DLG2: variants seen among roughly 807,000 people sequenced by gnomAD.
The protein encoded by DLG2 is disks large homolog 2.
Under a neutral mutation model 132.5 loss-of-function variants are expected in DLG2, and 45 were observed. The observed-to-expected ratio is 0.34, with a 90% CI of 0.27 to 0.44. The LOEUF is 0.44. DLG2 is among the 20% of genes least tolerant of loss of function. The pLI, the probability that DLG2 is intolerant of heterozygous loss-of-function variation, is 1.00. For missense variants in DLG2, 1,045 were observed against 1,196.9 expected (o/e 0.87, Z 1.87); for synonymous variants, 424 against 419.6 (o/e 1.01, Z -0.13).
intron 21 of DLG2, among the ~76,000 whole-genome samples, chr11:83,504,133 A>C (rs892419932): frequency 3.9e-5 from 6 of 152,234 alleles, no homozygotes; most frequent in Non-Finnish European, 5.9e-5. Flanking sequence ...TTTTAACAAA[A>C]GAAGGAGGAA....
chr11:84,355,356 A>G (rs1311477572), intron 7 of DLG2, among the ~76,000 whole-genome samples: 2 of 152,088 alleles, frequency 1.3e-5, no homozygotes, highest in East Asian at 1.9e-4. Context: ...AGATGATGAT[A>G]TTAGGAAGTG....
chr11:85,159,778 A>G (rs1365315124), intron 4 of DLG2, among the ~76,000 whole-genome samples: 1 of 152,208 alleles, frequency 6.6e-6, no homozygotes, highest in Non-Finnish European at 1.5e-5. Flanking sequence ...CAGCAAGGTC[A>G]ACAATAGACC....
At chr11:83,831,705 G>C (rs908492007) in intron 17 of DLG2, among the ~76,000 whole-genome samples, 60 of 152,086 alleles carry the variant, frequency 3.9e-4, no homozygotes, top group African/African-American at 1.4e-3. Context: ...TAAGTGCTTT[G>C]TTTAGTTATG....
intron 6 of DLG2, among the ~76,000 whole-genome samples, chr11:84,735,380 C>G (rs184340631): frequency 6.6e-6 from 1 of 152,212 alleles, no homozygotes; most frequent in Admixed American, 6.5e-5. Flanking sequence ...ATATATGTGT[C>G]AAGGAATTTA....
intron 9 of DLG2, among the ~76,000 whole-genome samples, chr11:84,149,800 C>T (rs2095233273): frequency 1.3e-5 from 2 of 152,044 alleles, no homozygotes. Context: ...AATGACATTG[C>T]ATCTCGTGAT....
intron 6 of DLG2, among the ~76,000 whole-genome samples, chr11:84,641,537 C>A (rs1246785148): frequency 6.6e-6 from 1 of 152,112 alleles, no homozygotes; most frequent in African/African-American, 2.4e-5. Context: ...GGAGAGTCAG[C>A]AACTCTGGGG....
At chr11:85,531,702 G>A (rs772015335) in intron 3 of DLG2, among the ~76,000 whole-genome samples, 10 of 152,274 alleles carry the variant, frequency 6.6e-5, no homozygotes, top group Middle Eastern at 3.4e-3. Context: ...ACAATAAAGT[G>A]AGCCTGTGAC....
intron 21 of DLG2, among the ~76,000 whole-genome samples, chr11:83,488,450 T>C (rs572431292): frequency 6.4e-4 from 97 of 152,112 alleles, no homozygotes; most frequent in Admixed American, 2.6e-3. Context: ...AAATACATGC[T>C]TCATGAAAGA....
chr11:84,592,505 G>T (rs2099545801), intron 6 of DLG2, among the ~76,000 whole-genome samples: 2 of 152,154 alleles, frequency 1.3e-5, no homozygotes, highest in Admixed American at 6.5e-5. Context: ...CACAGCAAAA[G>T]AAACTATCAT....
intron 7 of DLG2, among the ~76,000 whole-genome samples, chr11:84,380,677 A>G (rs1313046303): frequency 1.3e-5 from 2 of 151,932 alleles, no homozygotes; most frequent in African/African-American, 4.8e-5. Context: ...TGTTAGGGGG[A>G]AAAAAATAAA....
At chr11:85,236,494 C>A (rs1259449680) in intron 4 of DLG2, among the ~76,000 whole-genome samples, 1 of 151,936 alleles carries the variant, frequency 6.6e-6, no homozygotes, top group Non-Finnish European at 1.5e-5. Context: ...GGATACCAGT[C>A]ATATTGAATG....
chr11:83,948,988 T>C (rs1455707028), intron 14 of DLG2, among the ~76,000 whole-genome samples: 1 of 152,190 alleles, frequency 6.6e-6, no homozygotes, highest in African/African-American at 2.4e-5. Context: ...AGATATTTTA[T>C]GGAAAATACT....
At chr11:83,673,441 T>C (rs550206415) in intron 18 of DLG2, among the ~76,000 whole-genome samples, 2 of 152,370 alleles carry the variant, frequency 1.3e-5, no homozygotes, top group African/African-American at 4.8e-5. Context: ...GTTTAGCTAG[T>C]ACCCTATGGC....
intron 19 of DLG2, among the ~76,000 whole-genome samples, chr11:83,590,696 C>G (rs539315980): frequency 6.6e-6 from 1 of 152,116 alleles, no homozygotes; most frequent in Non-Finnish European, 1.5e-5. Flanking sequence ...ATTAATGAAT[C>G]CAGGAGCTGG....
At chr11:84,264,117 C>T (rs931220410) in intron 7 of DLG2, among the ~76,000 whole-genome samples, 2 of 152,056 alleles carry the variant, frequency 1.3e-5, no homozygotes, top group African/African-American at 2.4e-5. Flanking sequence ...AAAAAGGAGA[C>T]GTGAATGGGG....
At chr11:83,604,607 G>A (rs1022872617) in intron 19 of DLG2, among the ~76,000 whole-genome samples, 11 of 152,070 alleles carry the variant, frequency 7.2e-5, no homozygotes, top group Non-Finnish European at 1.6e-4. Context: ...GCCATGTATT[G>A]TTCAATACCA....
intron 6 of DLG2, among the ~76,000 whole-genome samples, chr11:84,816,831 A>AACTATGTAT (rs2077133337): frequency 6.6e-6 from 1 of 151,910 alleles, no homozygotes; most frequent in Non-Finnish European, 1.5e-5. Flanking sequence ...CCAAAAGCAA[A>AACTATGTAT]ACTATGTATA....
At chr11:83,536,567 T>TG (rs1381088972) in intron 20 of DLG2, among the ~76,000 whole-genome samples, 2 of 50,180 alleles carry the variant, frequency 4.0e-5, no homozygotes, top group African/African-American at 1.6e-4. Flanking sequence ...AACGTGGTGT[T>TG]TTTTTTTTTT....
chr11:83,980,899 C>T (rs1285945659), intron 11 of DLG2, among the ~76,000 whole-genome samples: 1 of 152,164 alleles, frequency 6.6e-6, no homozygotes, highest in East Asian at 1.9e-4. Flanking sequence ...TGCCTAACTG[C>T]TGTTCCTCAG....
Sources: allele counts gnomAD v4.1 joint callset (sites outside exome capture counted in the v4.1 genomes callset), GRCh38; gene constraint gnomAD v4.1.1; transcripts MANE v1.5; gene names NCBI Gene and HGNC (gene_info 2026-07-23, HGNC 2026-07-21).